ADGRL4: variants seen among roughly 807,000 people sequenced by gnomAD.
ADGRL4 encodes EGF, latrophilin and seven transmembrane domain containing 1.
Under a neutral mutation model 74.8 loss-of-function variants are expected in ADGRL4, and 90 were observed. That is an observed-to-expected ratio of 1.20 (90% confidence interval 1.02 to 1.43). ADGRL4 has a LOEUF of 1.43. ADGRL4 is among the 40% of genes most tolerant of loss of function. The pLI is 0.00. For missense variants in ADGRL4, 881 were observed against 814.3 expected (o/e 1.08, Z -1.00); for synonymous variants, 311 against 279.2 (o/e 1.11, Z -1.14).
chr1:78,904,772 G>T (rs1027256164), intron 12 of ADGRL4, among the ~76,000 whole-genome samples: 1 of 151,974 alleles, frequency 6.6e-6, no homozygotes, highest in East Asian at 1.9e-4. Flanking sequence ...CTTTCCTTGC[G>T]TGTAAAATGT....
At chr1:78,983,725 A>G (rs1327426938) in intron 2 of ADGRL4, among the ~76,000 whole-genome samples, 1 of 151,836 alleles carries the variant, frequency 6.6e-6, no homozygotes, top group African/African-American at 2.4e-5. Context: ...TGGGGAATAC[A>G]ACTTTAGGCA....
At chr1:78,935,110 T>C (rs574206367) in intron 7 of ADGRL4, among the ~76,000 whole-genome samples, 1 of 152,270 alleles carries the variant, frequency 6.6e-6, no homozygotes, top group Non-Finnish European at 1.5e-5. Context: ...GGCACGTATG[T>C]TTATTGCAGC....
intron 2 of ADGRL4, among the ~76,000 whole-genome samples, chr1:78,968,506 G>A (rs1294820214): frequency 2.8e-4 from 40 of 142,388 alleles, no homozygotes; most frequent in Non-Finnish European, 4.8e-4. Context: ...AGGGCGGTGG[G>A]GGGGTGGGGG....
At chr1:78,977,214 C>T (rs12125913) in intron 2 of ADGRL4, among the ~76,000 whole-genome samples, 5,178 of 151,660 alleles carry the variant, frequency 0.034, 119 homozygotes, top group Non-Finnish European at 0.053. Flanking sequence ...TTGACAAAAA[C>T]CCAACATCCA....
At chr1:78,893,738 G>A (rs548569416) in intron 12 of ADGRL4, among the ~76,000 whole-genome samples, 62 of 151,920 alleles carry the variant, frequency 4.1e-4, no homozygotes, top group Non-Finnish European at 7.5e-4. Flanking sequence ...TGATTTAACC[G>A]TGGATGCTTT....
intron 2 of ADGRL4, among the ~76,000 whole-genome samples, chr1:78,978,522 G>T (rs1012208241): frequency 6.6e-6 from 1 of 151,792 alleles, no homozygotes; most frequent in Non-Finnish European, 1.5e-5. Context: ...ATTTTTGCCA[G>T]GTTTCCTGTT....
chr1:78,984,451 T>C (rs1650455387), intron 2 of ADGRL4, among the ~76,000 whole-genome samples: 1 of 151,750 alleles, frequency 6.6e-6, no homozygotes, highest in Non-Finnish European at 1.5e-5. Context: ...TTGAATGTAT[T>C]CATCTAGGCA....
At chr1:78,968,514 G>A (rs1428980530) in intron 2 of ADGRL4, among the ~76,000 whole-genome samples, 3 of 136,550 alleles carry the variant, frequency 2.2e-5, no homozygotes, top group Admixed American at 1.5e-4. Flanking sequence ...GGGGGGGTGG[G>A]GGGGAGACGG....
intron 2 of ADGRL4, among the ~76,000 whole-genome samples, chr1:78,954,618 A>G (rs74688376): frequency 0.012 from 1,768 of 152,260 alleles, 29 homozygotes; most frequent in African/African-American, 0.04. Flanking sequence ...AATGGAAACA[A>G]CCTTGAAAAT....
Position 78,917,983 on chromosome 1 carries a change from A to G in ADGRL4, c.1529T>C (p.Ile510Thr), listed in dbSNP as rs1286505936. The change falls in exon 11 of 15, where the codon ATT becomes ACT. Residue 510 changes from isoleucine to threonine, a missense_variant. Ile to Thr is a moderately conservative substitution (Grantham distance 89, BLOSUM62 -1). Coordinates refer to ENST00000370742, the MANE Select transcript of ADGRL4 (RefSeq NM_022159.4). ...AATGAGATAGAGATGTATGCCTTCA[A>G]TGCACATCCATGCAAAAGCAGCTAA... ...FFLAAFAWMC[I>T]EGIHLYLIVV... 5.0e-6 allele frequency: 8 copies of G among 1,612,602 alleles called. No individual in the cohort carries two copies. The highest frequency in any genetic ancestry group is 5.9e-6 in the Non-Finnish European group (7 of 1,179,056).
At chr1:78,912,345 G>A (rs549641837) in intron 12 of ADGRL4, among the ~76,000 whole-genome samples, 8 of 151,940 alleles carry the variant, frequency 5.3e-5, no homozygotes, top group Non-Finnish European at 1.0e-4. Context: ...GAGTTGGAAG[G>A]TCAAAAACAC....
chr1:78,945,058 G>C (rs942749861), intron 3 of ADGRL4, among the ~76,000 whole-genome samples: 2 of 151,524 alleles, frequency 1.3e-5, no homozygotes, highest in South Asian at 4.2e-4. Context: ...CCAGCTACTC[G>C]GTAGGCTGAG....
At chr1:78,948,917 G>GCTGT (rs1357821031) in intron 2 of ADGRL4, among the ~76,000 whole-genome samples, 2 of 152,080 alleles carry the variant, frequency 1.3e-5, no homozygotes, top group African/African-American at 4.8e-5. Context: ...TCTGTGCCCT[G>GCTGT]CTGTCAGAGT....
chr1:78,963,636 A>C (rs917648759), intron 2 of ADGRL4, among the ~76,000 whole-genome samples: 1 of 152,226 alleles, frequency 6.6e-6, no homozygotes, highest in African/African-American at 2.4e-5. Flanking sequence ...ATCTTAAAGC[A>C]TGCTACAGAA....
At chr1:78,934,792 A>C (rs1649319135) in intron 7 of ADGRL4, among the ~76,000 whole-genome samples, 2 of 152,196 alleles carry the variant, frequency 1.3e-5, no homozygotes, top group South Asian at 4.1e-4. Context: ...CAGGCAACAA[A>C]CATGAAAAAA....
chr1:78,897,777 GTAAA>G (rs1648428601), intron 12 of ADGRL4, among the ~76,000 whole-genome samples: 1 of 152,062 alleles, frequency 6.6e-6, no homozygotes, highest in African/African-American at 2.4e-5. Context: ...CAAAGTTGGG[GTAAA>G]TAAAGAAAAA....
At chr1:78,896,143 G>T (rs1485563686) in intron 12 of ADGRL4, among the ~76,000 whole-genome samples, 1 of 151,818 alleles carries the variant, frequency 6.6e-6, no homozygotes, top group Non-Finnish European at 1.5e-5. Flanking sequence ...CTATACTCCT[G>T]CCGCCTTTAT....
At chr1:78,940,830 C>T (rs1427229728) in intron 3 of ADGRL4, among the ~76,000 whole-genome samples, 5 of 152,012 alleles carry the variant, frequency 3.3e-5, no homozygotes, top group Non-Finnish European at 7.4e-5. Flanking sequence ...ACTCAAAAAT[C>T]CAACAAAAAG....
intron 2 of ADGRL4, among the ~76,000 whole-genome samples, chr1:78,964,083 C>T (rs996609790): frequency 3.9e-5 from 6 of 152,030 alleles, no homozygotes; most frequent in African/African-American, 1.4e-4. Context: ...ATACATGATG[C>T]CTTATTTTCT....
Sources: allele counts gnomAD v4.1 joint callset (sites outside exome capture counted in the v4.1 genomes callset), GRCh38; gene constraint gnomAD v4.1.1; transcripts MANE v1.5; gene names NCBI Gene and HGNC (gene_info 2026-07-23, HGNC 2026-07-21).